The following ZFAND3 variants were observed in gnomAD, a reference collection of about 807,000 sequenced individuals.
The protein encoded by ZFAND3 is AN1-type zinc finger protein 3.
A neutral mutation model predicts 29.6 loss-of-function variants in ZFAND3; 10 were observed. The observed-to-expected ratio is 0.34, with a 90% CI of 0.21 to 0.57. The LOEUF is 0.57. Ranked by LOEUF, ZFAND3 falls within the 20% of genes least tolerant of loss-of-function variation. The probability of loss-of-function intolerance (pLI) is 0.86; values close to 1 mark genes in which losing one functional copy is unlikely to be tolerated. For missense variants in ZFAND3, 230 were observed against 304.5 expected, an observed-to-expected ratio of 0.76 and a Z score of 1.82; for synonymous variants, 128 against 112.6, an observed-to-expected ratio of 1.14 and a Z score of -0.87.
intron 2 of ZFAND3, among the ~76,000 whole-genome samples, chr6:37,947,341 A>G (rs1042434946): frequency 2.6e-5 from 4 of 152,034 alleles, no homozygotes; most frequent in African/African-American, 7.2e-5. Flanking sequence ...AGATGATGCC[A>G]TAACAGGCAT....
At chr6:37,890,625 T>C (rs1309684334) in intron 1 of ZFAND3, among the ~76,000 whole-genome samples, 1 of 152,226 alleles carries the variant, frequency 6.6e-6, no homozygotes. Flanking sequence ...GGAGTAAACA[T>C]ATTAAAAGGT....
chr6:37,820,222 C>T (rs897626560), intron 1 of ZFAND3, among the ~76,000 whole-genome samples: 1 of 151,844 alleles, frequency 6.6e-6, no homozygotes, highest in Non-Finnish European at 1.5e-5. Context: ...GCCGGGGGTG[C>T]GTTGCTACCC....
intron 5 of ZFAND3, chr6:38,143,256 G>A (rs1022540416): frequency 2.0e-5 from 3 of 152,232 alleles, no homozygotes; most frequent in Non-Finnish European, 4.4e-5. Flanking sequence ...AATAATAAAG[G>A]ACATCAACAG....
chr6:38,153,325 C>T lies in ZFAND3; in HGVS notation c.*936C>T. On this transcript the variant is annotated 3_prime_UTR_variant, in exon 6 of 6. Transcript: ENST00000287218. ...TCAGTAGAAGTGCTGGGAGCAGCAG[C>T]TGGGGAAGCTGCCGCCCACGGGCTC... 1.0e-6 allele frequency: 1 copy of T among 985,508 alleles called. No individual in the cohort carries two copies. The highest frequency in any genetic ancestry group is 1.2e-6 in the Non-Finnish European group (1 of 829,956). 61.0% of individuals were successfully genotyped at this position (985,508 alleles called of 1,614,324 possible). A position where few individuals can be genotyped will look rare whatever the true frequency, so the allele number is the denominator to read the frequency against.
chr6:38,149,666 C>T (rs956354031), intron 5 of ZFAND3, among the ~76,000 whole-genome samples: 1 of 152,132 alleles, frequency 6.6e-6, no homozygotes, highest in African/African-American at 2.4e-5. Context: ...TGGCTGCTCA[C>T]TAGCTGGCGG....
chr6:37,977,509 ACCAGGCT>A (rs1184852005), intron 2 of ZFAND3, among the ~76,000 whole-genome samples: 2 of 151,832 alleles, frequency 1.3e-5, no homozygotes, highest in Non-Finnish European at 2.9e-5. Context: ...CACCATGTTG[ACCAGGCT>A]GGTCTTGAAC....
intron 2 of ZFAND3, among the ~76,000 whole-genome samples, chr6:37,984,386 G>C (rs1471566277): frequency 6.6e-6 from 1 of 152,200 alleles, no homozygotes; most frequent in African/African-American, 2.4e-5. Context: ...CATATGAGAA[G>C]AGGGAGTATA....
intron 3 of ZFAND3, among the ~76,000 whole-genome samples, chr6:38,068,879 A>G (rs1764397944): frequency 6.6e-6 from 1 of 152,214 alleles, no homozygotes. Flanking sequence ...GGTTAAATTA[A>G]TTTGGTTGAA....
intron 3 of ZFAND3, among the ~76,000 whole-genome samples, chr6:38,072,457 T>A (rs1038341811): frequency 7.2e-5 from 11 of 152,194 alleles, no homozygotes; most frequent in Non-Finnish European, 1.2e-4. Flanking sequence ...TGGATTTCTT[T>A]AAATGTTCGT....
chr6:37,847,330 C>G (rs1217218405), intron 1 of ZFAND3, among the ~76,000 whole-genome samples: 1 of 152,076 alleles, frequency 6.6e-6, no homozygotes, highest in Non-Finnish European at 1.5e-5. Flanking sequence ...AATCCCAGCA[C>G]TATGGGAGGC....
intron 1 of ZFAND3, among the ~76,000 whole-genome samples, chr6:37,925,005 A>G (rs1161650409): frequency 6.6e-6 from 1 of 151,950 alleles, no homozygotes; most frequent in Middle Eastern, 3.2e-3. Context: ...AATGTGGTGA[A>G]TGAGGGGGCA....
At position 38,071,528 on chromosome 6, in the gene ZFAND3, A is replaced by G. The variant is rs1403150876; in HGVS notation, c.295+9753A>G. 2.0e-5 allele frequency among the ~76,000 whole-genome samples: 3 copies of G among 151,956 alleles called. No homozygotes were observed. In the East Asian group the frequency reaches 5.8e-4, roughly 29 times the overall value. ...ACATAGATCTGTTCCTAGGCTCTTTATTTTGTTTTATTGGTCAACCTGTAT... is the reference window on the plus strand; with the variant it reads ...ACATAGATCTGTTCCTAGGCTCTTTGTTTTGTTTTATTGGTCAACCTGTAT... On this transcript the variant is annotated intron_variant, in intron 3 of 5. Transcript: ENST00000287218.
intron 1 of ZFAND3, among the ~76,000 whole-genome samples, chr6:37,873,979 T>G (rs1764746667): frequency 6.6e-6 from 1 of 152,226 alleles, no homozygotes; most frequent in Admixed American, 6.5e-5. Flanking sequence ...TTTGTATTCA[T>G]CTGCCAGGGC....
chr6:37,833,606 C>G (rs546895417), intron 1 of ZFAND3, among the ~76,000 whole-genome samples: 18 of 152,186 alleles, frequency 1.2e-4, no homozygotes, highest in African/African-American at 4.1e-4. Flanking sequence ...AGGCAGATCA[C>G]TTGAGGTCAG....
intron 1 of ZFAND3, among the ~76,000 whole-genome samples, chr6:37,913,321 G>C (rs914690928): frequency 9.9e-5 from 15 of 152,174 alleles, no homozygotes; most frequent in African/African-American, 3.6e-4. Context: ...CTGAGTTTAT[G>C]TAATATTCTA....
intron 5 of ZFAND3, among the ~76,000 whole-genome samples, chr6:38,124,845 G>A (rs1765605164): frequency 6.6e-6 from 1 of 152,176 alleles, no homozygotes; most frequent in African/African-American, 2.4e-5. Context: ...AAGAGTGAGC[G>A]AGGGCTGCGA....
At chr6:38,098,745 G>A (rs1443805016) in intron 4 of ZFAND3, among the ~76,000 whole-genome samples, 1 of 151,444 alleles carries the variant, frequency 6.6e-6, no homozygotes, top group Non-Finnish European at 1.5e-5. Flanking sequence ...ATCGTGATCC[G>A]CCTGCCTTGG....
At chr6:38,036,582 A>G (rs1763661711) in intron 2 of ZFAND3, among the ~76,000 whole-genome samples, 2 of 152,226 alleles carry the variant, frequency 1.3e-5, no homozygotes, top group Non-Finnish European at 2.9e-5. Flanking sequence ...AATTATAAAT[A>G]CATTTCAAAA....
chr6:38,009,731 C>T (rs1434488513), intron 2 of ZFAND3, among the ~76,000 whole-genome samples: 1 of 152,216 alleles, frequency 6.6e-6, no homozygotes, highest in Non-Finnish European at 1.5e-5. Context: ...AGAAACCTCT[C>T]TGCTTTGATC....
Sources: allele counts gnomAD v4.1 joint callset (sites outside exome capture counted in the v4.1 genomes callset), GRCh38; gene constraint gnomAD v4.1.1; transcripts MANE v1.5; gene names NCBI Gene and HGNC (gene_info 2026-07-23, HGNC 2026-07-21).